The following DAPK1 variants were observed in gnomAD, a reference collection of about 807,000 sequenced individuals.
DAPK1 encodes death-associated protein kinase 1.
Under a neutral mutation model 144.9 loss-of-function variants are expected in DAPK1, and 56 were observed. The ratio of observed to expected loss-of-function variants is 0.39; its 90% CI spans 0.31 to 0.48. The LOEUF is 0.48. Ranked by LOEUF, DAPK1 falls within the 20% of genes least tolerant of loss-of-function variation. The probability of loss-of-function intolerance (pLI) is 0.95; values close to 1 mark genes in which losing one functional copy is unlikely to be tolerated. For synonymous variants in DAPK1, 690 were observed against 749.0 expected (o/e 0.92, Z 1.29); for missense variants, 1,454 against 1,875.4 (o/e 0.78, Z 4.15).
intron 2 of DAPK1, among the ~76,000 whole-genome samples, chr9:87,568,839 T>A (rs11141892): frequency 2.0e-5 from 3 of 152,030 alleles, no homozygotes; most frequent in Non-Finnish European, 2.9e-5. Flanking sequence ...ATTTACTCCC[T>A]GGGTGGGAAA....
At chr9:87,636,666 T>C (rs1028700821) in intron 3 of DAPK1, among the ~76,000 whole-genome samples, 10 of 152,208 alleles carry the variant, frequency 6.6e-5, no homozygotes, top group African/African-American at 1.9e-4. Context: ...TCTGATCTTA[T>C]GAGCACCAAT....
At chr9:87,606,575 CCCTTCCTT>C (rs1307599154) in intron 3 of DAPK1, among the ~76,000 whole-genome samples, 3 of 83,272 alleles carry the variant, frequency 3.6e-5, no homozygotes, top group African/African-American at 1.1e-4. Context: ...CCTCCGTCTC[CCCTTCCTT>C]CCTTCCTTCC....
intron 2 of DAPK1, among the ~76,000 whole-genome samples, chr9:87,577,073 G>A (rs975618713): frequency 7.9e-5 from 12 of 152,162 alleles, no homozygotes; most frequent in African/African-American, 2.9e-4. Flanking sequence ...AGTGTTTGGG[G>A]AAGAGATAAT....
chr9:87,649,450 A>G (rs1008955126), intron 15 of DAPK1, among the ~76,000 whole-genome samples: 2 of 152,238 alleles, frequency 1.3e-5, no homozygotes, highest in African/African-American at 2.4e-5. Flanking sequence ...TGTTGTAAAC[A>G]TGACAGAAAG....
At chr9:87,591,284 C>T (rs1204379793) in intron 2 of DAPK1, among the ~76,000 whole-genome samples, 1 of 152,148 alleles carries the variant, frequency 6.6e-6, no homozygotes, top group Non-Finnish European at 1.5e-5. Flanking sequence ...CCCACAGGGC[C>T]AGTTGGGGCT....
intron 2 of DAPK1, among the ~76,000 whole-genome samples, chr9:87,565,879 AC>A (rs1469778697): frequency 6.6e-6 from 1 of 152,122 alleles, no homozygotes; most frequent in Non-Finnish European, 1.5e-5. Context: ...TCTTCCAAGA[AC>A]CCTGAGAGGT....
chr9:87,534,248 TTTTTTTTTTG>T (rs938965253), intron 2 of DAPK1, among the ~76,000 whole-genome samples: 26 of 72,730 alleles, frequency 3.6e-4, no homozygotes, highest in South Asian at 6.0e-4. Flanking sequence ...TTTTGACAGT[TTTTTTTTTTG>T]TTTTTTTTTT....
Position 87,584,664 on chromosome 9 carries a change from T to TTGTGTGTGTG in DAPK1, c.63-20272_63-20263dup, listed in dbSNP as rs113125719. Among the ~76,000 whole-genome samples the TTGTGTGTGTG allele has an allele frequency of 3.3e-3, 461 of 140,502 alleles. 5 individuals are homozygous for TTGTGTGTGTG. The highest frequency in any genetic ancestry group is 0.01 in the African/African-American group (421 of 40,426). 92.2% of individuals were successfully genotyped at this position (140,502 alleles called of 152,430 possible). A position where few individuals can be genotyped will look rare whatever the true frequency, so the allele number is the denominator to read the frequency against. On this transcript the variant is annotated intron_variant, in intron 2 of 25. Transcript: ENST00000408954. ...CTAACAAGTGAGAAATGATAGCTCA[T>TTGTGTGTGTG]TGTGTGTGTGTGTGTGTGTGTGTGT...
intron 2 of DAPK1, among the ~76,000 whole-genome samples, chr9:87,580,803 G>A (rs570880180): frequency 2.6e-5 from 4 of 152,274 alleles, no homozygotes; most frequent in East Asian, 3.9e-4. Flanking sequence ...ACATAGGACC[G>A]AGCGGTTAAG....
intron 2 of DAPK1, among the ~76,000 whole-genome samples, chr9:87,547,308 G>A (rs1179542922): frequency 6.6e-6 from 1 of 152,184 alleles, no homozygotes; most frequent in Non-Finnish European, 1.5e-5. Flanking sequence ...TCACAAACCT[G>A]TTACTGGCTT....
intron 20 of DAPK1, among the ~76,000 whole-genome samples, chr9:87,684,611 G>T (rs1455437723): frequency 6.6e-6 from 1 of 150,966 alleles, no homozygotes; most frequent in East Asian, 2.1e-4. Context: ...ACTGAGGGTT[G>T]TGGCTGTTGA....
intron 2 of DAPK1, among the ~76,000 whole-genome samples, chr9:87,561,733 G>A (rs562372192): frequency 6.6e-6 from 1 of 152,304 alleles, no homozygotes; most frequent in Admixed American, 6.5e-5. Context: ...TTAGACAGCA[G>A]TTTACTTAAG....
chr9:87,501,232 T>G (rs1824379860), intron 2 of DAPK1, among the ~76,000 whole-genome samples: 1 of 152,054 alleles, frequency 6.6e-6, no homozygotes, highest in South Asian at 2.1e-4. Context: ...ATTTAAGACT[T>G]TACTTGGCCA....
intron 2 of DAPK1, among the ~76,000 whole-genome samples, chr9:87,533,443 C>T (rs1255097313): frequency 6.6e-6 from 1 of 152,148 alleles, no homozygotes; most frequent in African/African-American, 2.4e-5. Context: ...TGCACAGGTC[C>T]AAGACCTCAG....
At chr9:87,646,708 A>C in intron 13 of DAPK1, 149 bp downstream of exon 13, 1 of 617,306 alleles carries the variant, frequency 1.6e-6, no homozygotes, top group Non-Finnish European at 2.8e-6. Flanking sequence ...ACAGCTTGGT[A>C]CAGCCTGACA....
At chr9:87,675,936 G>A (rs750773002) in intron 19 of DAPK1, among the ~76,000 whole-genome samples, 3 of 145,332 alleles carry the variant, frequency 2.1e-5, no homozygotes, top group Admixed American at 6.9e-5. Flanking sequence ...AGAATTCTGC[G>A]CTCCTTGGAG....
chr9:87,703,062 A>G lies in DAPK1; in HGVS notation c.2905A>G (p.Ile969Val), dbSNP rs1340184174. ...TCCCATGACTCACCTGTGTGAGAAAATCATCTCCACGCTGCCTTCCTGGAG... is the reference window on the plus strand; with the variant it reads ...TCCCATGACTCACCTGTGTGAGAAAGTCATCTCCACGCTGCCTTCCTGGAG... Reference protein sequence around the residue: ...CPPMTHLCEKIISTLPSWRKL... With the variant: ...CPPMTHLCEKVISTLPSWRKL... Residue 969 changes from isoleucine to valine, a missense_variant, in exon 25 of 26, where the codon ATC becomes GTC. This residue lies in a region of DAPK1 where 1,025 missense variants were observed against 1,237.9 expected (regional missense o/e 0.83). Transcript: ENST00000408954. 4 of 1,600,220 alleles carry G rather than the reference A, an allele frequency of 2.5e-6. No individual in the cohort carries two copies. Among genetic ancestry groups the G allele is most frequent in the African/African-American group, 2.7e-5 (2 of 74,576 alleles).
chr9:87,660,262 G>A (rs377415918), intron 18 of DAPK1, among the ~76,000 whole-genome samples: 40 of 151,986 alleles, frequency 2.6e-4, no homozygotes, highest in Non-Finnish European at 4.3e-4. Context: ...TTCCTCTCCC[G>A]TGGGCAGCCA....
At chr9:87,565,190 T>C (rs1827072154) in intron 2 of DAPK1, among the ~76,000 whole-genome samples, 1 of 151,934 alleles carries the variant, frequency 6.6e-6, no homozygotes, top group Non-Finnish European at 1.5e-5. Context: ...GTTGCAGAGG[T>C]CCTGGCAGCC....
Sources: allele counts gnomAD v4.1 joint callset (sites outside exome capture counted in the v4.1 genomes callset), GRCh38; gene constraint gnomAD v4.1.1; regional missense constraint gnomAD v4.1.1; transcripts MANE v1.5; gene names NCBI Gene and HGNC (gene_info 2026-07-23, HGNC 2026-07-21).